The following CCDC102A variants were observed in gnomAD, a reference collection of about 807,000 sequenced individuals.
The protein encoded by CCDC102A is coiled-coil domain-containing protein 102A.
A neutral mutation model predicts 55.5 loss-of-function variants in CCDC102A; 40 were observed. The ratio of observed to expected loss-of-function variants is 0.72; its 90% CI spans 0.56 to 0.94. The LOEUF is 0.94. Among genes scored for constraint, CCDC102A ranks in the 40% least tolerant of loss-of-function variants. The probability of loss-of-function intolerance (pLI) is 0.00; values close to 1 mark genes in which losing one functional copy is unlikely to be tolerated. For synonymous variants in CCDC102A, 323 were observed against 339.0 expected (o/e 0.95, Z 0.52); for missense variants, 779 against 768.6 (o/e 1.01, Z -0.16).
intron 8 of CCDC102A, 140 bp from the exon 9 acceptor site, chr16:57,513,010 T>C: frequency 1.6e-6 from 1 of 644,384 alleles, no homozygotes; most frequent in South Asian, 2.1e-5. Flanking sequence ...CCTTATATGA[T>C]AGAAGTGCCA....
intron 3 of CCDC102A, 129 bp downstream of exon 3, chr16:57,525,772 T>C: frequency 1.2e-6 from 1 of 823,730 alleles, no homozygotes; most frequent in Non-Finnish European, 1.9e-6. Context: ...GGAACACCAC[T>C]GCTCTACAGT....
At chr16:57,515,187 C>A (rs927378860) in intron 8 of CCDC102A, among the ~76,000 whole-genome samples, 154 bp downstream of exon 8, 1 of 152,188 alleles carries the variant, frequency 6.6e-6, no homozygotes, top group Non-Finnish European at 1.5e-5. Context: ...CTGGCTCTGG[C>A]CCTTCCTGCC....
intron 3 of CCDC102A, among the ~76,000 whole-genome samples, chr16:57,524,896 C>G (rs893140652): frequency 3.3e-5 from 5 of 152,150 alleles, no homozygotes; most frequent in African/African-American, 4.8e-5. Context: ...TCTTACTGAT[C>G]ACTCTGTCCT....
rs1471988768 is a variant in CCDC102A at position 57,526,117 on chromosome 16, A to G, written c.596T>C (p.Leu199Pro). ...CATGCTCTTCAGCAGGCTCTCCACCAGCTCCAGTTCCTGCGGGGACCAAGG... is the reference window on the plus strand; with the variant it reads ...CATGCTCTTCAGCAGGCTCTCCACCGGCTCCAGTTCCTGCGGGGACCAAGG... ...ERPPGSQELELVESLLKSMPE... is the reference protein window; with the variant it reads ...ERPPGSQELEPVESLLKSMPE... Residue 199 changes from leucine (L) to proline (P), a missense_variant, in exon 3 of 9, where the codon CTG (leucine) becomes CCG (proline). Transcript: ENST00000258214. 15 of 1,547,744 alleles carry G rather than the reference A, an allele frequency of 9.7e-6. No homozygotes were observed. The highest frequency in any genetic ancestry group is 1.2e-5 in the Non-Finnish European group (14 of 1,154,812).
At chr16:57,517,983 G>C in intron 6 of CCDC102A, 85 bp downstream of exon 6, 1 of 1,413,342 alleles carries the variant, frequency 7.1e-7, no homozygotes. Context: ...ATTATCACCA[G>C]GCCTGACACA....
At chr16:57,530,520 C>T (rs2032237115) in intron 1 of CCDC102A, among the ~76,000 whole-genome samples, 1 of 152,222 alleles carries the variant, frequency 6.6e-6, no homozygotes, top group African/African-American at 2.4e-5. Context: ...CCAAGGCTGC[C>T]TGGCAGCCCT....
rs2032190772 is a variant in CCDC102A, at chr16:57,528,721, G to A, written c.457C>T (p.Arg153Trp). ...RQEAQGECEARGRELARLRGA... is the reference protein window; with the variant it reads ...RQEAQGECEAWGRELARLRGA... ...CTCAGCCGCGCCAGCTCGCGGCCCC[G>A]TGCCTCGCACTCGCCCTGCGCCTCT... The change falls in exon 2 of 9, where the codon CGG (arginine) becomes TGG (tryptophan). Residue 153 changes from arginine to tryptophan, a missense_variant. Coordinates refer to ENST00000258214, the MANE Select transcript of CCDC102A (RefSeq NM_033212.4). 1.8e-6 allele frequency: 2 copies of A among 1,141,772 alleles called. No homozygotes were observed. The highest frequency in any genetic ancestry group is 5.1e-5 in the East Asian group (1 of 19,572). 70.7% of individuals were successfully genotyped at this position (1,141,772 alleles called of 1,614,324 possible).
intron 8 of CCDC102A, 71 bp from the exon 9 acceptor site, chr16:57,512,941 G>A (rs2031892744): frequency 2.2e-6 from 3 of 1,378,310 alleles, no homozygotes; most frequent in Non-Finnish European, 3.0e-6. Context: ...GCTGCAGCTG[G>A]TGCTGGAGCA....
rs1258249588 is a variant in CCDC102A at position 57,512,239 on chromosome 16, G to T, written c.*502C>A. ...TTCCTGAGCTCTGGTTCAGCGTCAG[G>T]TGCAGGCCGATGCCGTCCCCCACAA... On this transcript the variant is annotated 3_prime_UTR_variant, in exon 9 of 9. Coordinates refer to ENST00000258214, the MANE Select transcript of CCDC102A (RefSeq NM_033212.4). 1 of 394,992 alleles carries T rather than the reference G, an allele frequency of 2.5e-6. No homozygotes were observed. The highest frequency in any genetic ancestry group is 4.5e-6 in the Non-Finnish European group (1 of 224,582). The allele number at this position is 394,992 out of a possible 1,614,324, so 24.5% of individuals were successfully genotyped here. A position where few individuals can be genotyped will look rare whatever the true frequency, so the allele number is the denominator to read the frequency against.
intron 4 of CCDC102A, among the ~76,000 whole-genome samples, chr16:57,520,662 C>G (rs573859585): frequency 6.7e-6 from 1 of 149,166 alleles, no homozygotes; most frequent in South Asian, 2.1e-4. Context: ...AAAATAAAGC[C>G]AGGCACTGTG....
At position 57,512,581 on chromosome 16, in the gene CCDC102A, G is replaced by T. The variant is rs746460362; in HGVS notation, c.*160C>A. On this transcript the variant is annotated 3_prime_UTR_variant, in exon 9 of 9. Transcript: ENST00000258214. Reference sequence around the variant, plus strand: ...TAGGCTTCCTTTCCACAGGGCGTTGGTAGGTGGGACTGTTGACGCCATCCC... The same window carrying T: ...TAGGCTTCCTTTCCACAGGGCGTTGTTAGGTGGGACTGTTGACGCCATCCC... 5 of 801,576 alleles carry T rather than the reference G, an allele frequency of 6.2e-6. No homozygotes were observed. The highest frequency in any genetic ancestry group is 9.9e-6 in the Non-Finnish European group (5 of 507,542). The allele number at this position is 801,576 out of a possible 1,614,324, so 49.7% of individuals were successfully genotyped here.
At chr16:57,535,370 C>T (rs2032352098) in intron 1 of CCDC102A, among the ~76,000 whole-genome samples, 1 of 152,130 alleles carries the variant, frequency 6.6e-6, no homozygotes, top group Non-Finnish European at 1.5e-5. Context: ...CAGCCTGGAT[C>T]ATTGATTTGA....
chr16:57,531,748 T>C (rs1399430326), intron 1 of CCDC102A, among the ~76,000 whole-genome samples: 5 of 152,068 alleles, frequency 3.3e-5, no homozygotes, highest in Admixed American at 1.3e-4. Flanking sequence ...CAGCTCACCT[T>C]CTGTGCTCCT....
chr16:57,523,023 T>C (rs1359852639), intron 3 of CCDC102A, among the ~76,000 whole-genome samples: 2 of 152,080 alleles, frequency 1.3e-5, no homozygotes, highest in Non-Finnish European at 2.9e-5. Flanking sequence ...AAGAATTAGC[T>C]GGGCGTGGTG....
At chr16:57,519,977 T>G (rs1168980872) in intron 4 of CCDC102A, among the ~76,000 whole-genome samples, 1 of 152,210 alleles carries the variant, frequency 6.6e-6, no homozygotes, top group Non-Finnish European at 1.5e-5. Context: ...GAGGCCGTAG[T>G]GGCAGCTCAG....
intron 4 of CCDC102A, among the ~76,000 whole-genome samples, chr16:57,520,536 A>AATAAAATAACATAAC: frequency 8.0e-6 from 1 of 124,646 alleles, no homozygotes; most frequent in South Asian, 2.7e-4. Flanking sequence ...ACTCAGAAAA[A>AATAAAATAACATAAC]ATAACATAAC....
chr16:57,515,645 G>A (rs1191058200), intron 7 of CCDC102A, among the ~76,000 whole-genome samples: 1 of 149,468 alleles, frequency 6.7e-6, no homozygotes, highest in East Asian at 1.9e-4. Flanking sequence ...GCCTCCTCTT[G>A]CACATCTACC....
At chr16:57,530,789 G>A (rs1342397480) in intron 1 of CCDC102A, among the ~76,000 whole-genome samples, 5 of 151,622 alleles carry the variant, frequency 3.3e-5, no homozygotes, top group Non-Finnish European at 7.4e-5. Flanking sequence ...CCCTCCCCTG[G>A]CACCTCCCTT....
chr16:57,532,823 G>T (rs1443506642), intron 1 of CCDC102A, among the ~76,000 whole-genome samples: 2 of 152,256 alleles, frequency 1.3e-5, no homozygotes, highest in Non-Finnish European at 2.9e-5. Flanking sequence ...GAGCCTGTGG[G>T]GGGAGGGGAG....
Sources: allele counts gnomAD v4.1 joint callset (sites outside exome capture counted in the v4.1 genomes callset), GRCh38; gene constraint gnomAD v4.1.1; transcripts MANE v1.5; gene names NCBI Gene and HGNC (gene_info 2026-07-23, HGNC 2026-07-21).